The following DPF3 variants were observed in gnomAD, a reference collection of about 807,000 sequenced individuals.
DPF3 encodes double PHD fingers 3.
In DPF3, 18 loss-of-function variants were observed where a neutral mutation model predicts 56.8. The ratio of observed to expected loss-of-function variants is 0.32; its 90% CI spans 0.22 to 0.47. The LOEUF is 0.47. DPF3 is among the 20% of genes least tolerant of loss of function. DPF3 has a pLI of 1.00. For missense variants in DPF3, 403 were observed against 488.8 expected (o/e 0.82, Z 1.65); for synonymous variants, 188 against 180.2 (o/e 1.04, Z -0.35).
chr14:72,660,980 C>T (rs150064924), intron 8 of DPF3: 43 of 823,904 alleles, frequency 5.2e-5, no homozygotes, highest in Middle Eastern at 6.3e-4. Flanking sequence ...TGCCGCATGA[C>T]GGCGTGAAAG....
intron 6 of DPF3, among the ~76,000 whole-genome samples, chr14:72,712,396 AG>A (rs1888693498): frequency 6.6e-6 from 1 of 152,162 alleles, no homozygotes; most frequent in African/African-American, 2.4e-5. Flanking sequence ...TCAGAGGCAA[AG>A]GTGGGAGGAG....
At chr14:72,724,569 G>T (rs1298526805) in intron 4 of DPF3, among the ~76,000 whole-genome samples, 1 of 152,012 alleles carries the variant, frequency 6.6e-6, no homozygotes, top group South Asian at 2.1e-4. Context: ...GAAGGAAGGA[G>T]GTAGGATGTG....
At chr14:72,631,079 A>C (rs2153567118) in intron 8 of DPF3, among the ~76,000 whole-genome samples, 1 of 152,306 alleles carries the variant, frequency 6.6e-6, no homozygotes, top group African/African-American at 2.4e-5. Context: ...CAACATAAGG[A>C]TCCTTCACAT....
intron 1 of DPF3, among the ~76,000 whole-genome samples, chr14:72,799,188 A>G (rs1892766357): frequency 6.6e-6 from 1 of 152,146 alleles, no homozygotes; most frequent in African/African-American, 2.4e-5. Flanking sequence ...CCATCCTTCC[A>G]TCAACCCATC....
chr14:72,786,289 T>C (rs1892206108), intron 1 of DPF3, among the ~76,000 whole-genome samples: 1 of 151,376 alleles, frequency 6.6e-6, no homozygotes, highest in African/African-American at 2.4e-5. Context: ...AGAAAATCAA[T>C]AACCACAGAG....
chr14:72,617,601 C>T lies in DPF3; in HGVS notation c.*1696G>A, dbSNP rs913969763. 6.6e-6 allele frequency among the ~76,000 whole-genome samples: 1 copy of T among 152,224 alleles called. No individual in the cohort carries two copies. Among genetic ancestry groups the T allele is most frequent in the African/African-American group, 2.4e-5 (1 of 41,462 alleles). The stretch of plus-strand genomic sequence containing the variant: ...CAGGCCCCTGCAGGAGAGTGACCCC[C>T]ATCGCTTGCCACAGGTCACTCTGCT... On this transcript the variant is annotated 3_prime_UTR_variant, in exon 11 of 11. Coordinates refer to ENST00000556509, the MANE Select transcript of DPF3 (RefSeq NM_001280542.3).
chr14:72,633,522 G>A (rs1052554359), intron 8 of DPF3, among the ~76,000 whole-genome samples: 6 of 152,108 alleles, frequency 3.9e-5, no homozygotes, highest in Non-Finnish European at 8.8e-5. Flanking sequence ...AGCAAATCGG[G>A]TGAGTATGGG....
At chr14:72,655,776 C>T (rs569706153) in intron 8 of DPF3, among the ~76,000 whole-genome samples, 1 of 152,312 alleles carries the variant, frequency 6.6e-6, no homozygotes, top group Admixed American at 6.5e-5. Flanking sequence ...ATCCGTGAAA[C>T]TAATCTTCTC....
chr14:72,797,242 G>T (rs1481362983), intron 1 of DPF3, among the ~76,000 whole-genome samples: 1 of 152,146 alleles, frequency 6.6e-6, no homozygotes, highest in Admixed American at 6.5e-5. Context: ...CCTAGATGAA[G>T]CTATTCATCT....
intron 8 of DPF3, chr14:72,662,934 G>T: frequency 1.6e-5 from 10 of 632,924 alleles, no homozygotes; most frequent in Non-Finnish European, 1.7e-5. Flanking sequence ...GAAATGAAAT[G>T]AATTAAAAAA....
chr14:72,755,190 T>C (rs1035458853), intron 2 of DPF3, among the ~76,000 whole-genome samples: 4 of 152,048 alleles, frequency 2.6e-5, no homozygotes, highest in African/African-American at 7.2e-5. Context: ...TAAGTAAGAG[T>C]GAGCTGGCCC....
intron 2 of DPF3, among the ~76,000 whole-genome samples, chr14:72,768,567 G>A (rs1891384312): frequency 6.6e-6 from 1 of 152,006 alleles, no homozygotes. Context: ...GAAGATAGGG[G>A]ATCTCTATTA....
chr14:72,747,678 C>T (rs924678065), intron 3 of DPF3, among the ~76,000 whole-genome samples: 1 of 151,888 alleles, frequency 6.6e-6, no homozygotes, highest in Non-Finnish European at 1.5e-5. Context: ...GTGTCCCCAT[C>T]CAAATCTCAT....
intron 1 of DPF3, among the ~76,000 whole-genome samples, chr14:72,831,099 A>G (rs918447407): frequency 5.9e-5 from 9 of 152,202 alleles, no homozygotes; most frequent in African/African-American, 1.7e-4. Context: ...GAGGCGGGCC[A>G]GGGACAGAAA....
intron 4 of DPF3, among the ~76,000 whole-genome samples, chr14:72,730,457 GAGA>G (rs932494859): frequency 6.6e-6 from 1 of 152,288 alleles, no homozygotes; most frequent in African/African-American, 2.4e-5. Context: ...GGGAATGGCG[GAGA>G]AGAAGGCCAA....
At chr14:72,633,061 A>G (rs1365082466) in intron 8 of DPF3, among the ~76,000 whole-genome samples, 1 of 152,196 alleles carries the variant, frequency 6.6e-6, no homozygotes, top group African/African-American at 2.4e-5. Flanking sequence ...ACTTGACAGG[A>G]CTTGACTATT....
intron 8 of DPF3, among the ~76,000 whole-genome samples, chr14:72,655,028 G>C (rs1222520078): frequency 1.3e-5 from 2 of 152,112 alleles, no homozygotes; most frequent in African/African-American, 2.4e-5. Flanking sequence ...CAGCCAAGCA[G>C]AAGTTTCAGC....
At chr14:72,816,309 T>G (rs1242458618) in intron 1 of DPF3, among the ~76,000 whole-genome samples, 3 of 152,212 alleles carry the variant, frequency 2.0e-5, no homozygotes, top group Non-Finnish European at 4.4e-5. Context: ...TTAATAAGAT[T>G]GACATTTGCA....
At chr14:72,759,321 A>C (rs779460940) in intron 2 of DPF3, among the ~76,000 whole-genome samples, 32 of 152,374 alleles carry the variant, frequency 2.1e-4, no homozygotes, top group Middle Eastern at 6.8e-3. Context: ...GGGCAACTTC[A>C]AACAGCCTAA....
Sources: allele counts gnomAD v4.1 joint callset (sites outside exome capture counted in the v4.1 genomes callset), GRCh38; gene constraint gnomAD v4.1.1; transcripts MANE v1.5; gene names NCBI Gene and HGNC (gene_info 2026-07-23, HGNC 2026-07-21).